ARHGEF37: variants seen among roughly 807,000 people sequenced by gnomAD.
ARHGEF37 encodes Rho guanine nucleotide exchange factor (GEF) 37.
ARHGEF37 carries 55 observed loss-of-function variants against 71.1 expected under a neutral mutation model. The ratio of observed to expected loss-of-function variants is 0.77; its 90% confidence interval spans 0.62 to 0.97. The LOEUF (loss-of-function observed/expected upper bound fraction) is 0.97, where lower values mean the gene tolerates loss of function less well. ARHGEF37 is among the 50% of genes least tolerant of loss of function. The probability of loss-of-function intolerance (pLI) is 0.00; values close to 1 mark genes in which losing one functional copy is unlikely to be tolerated. For synonymous variants in ARHGEF37, 327 were observed against 350.6 expected, an observed-to-expected ratio of 0.93 and a Z score of 0.75; for missense variants, 765 against 836.8, an observed-to-expected ratio of 0.91 and a Z score of 1.06.
intron 1 of ARHGEF37, among the ~76,000 whole-genome samples, chr5:149,556,239 G>A (rs1022315651): frequency 1.3e-5 from 2 of 152,102 alleles, no homozygotes; most frequent in African/African-American, 2.4e-5. Context: ...TGTCGCCCAG[G>A]CTGGAGTACA....
At chr5:149,578,277 G>A (rs942915771), upstream of ARHGEF37, among the ~76,000 whole-genome samples, 8 of 152,298 alleles carry the variant, frequency 5.3e-5, no homozygotes, top group African/African-American at 1.9e-4. Flanking sequence ...TTTAGGTAAT[G>A]TGCAACCCAA....
intron 1 of ARHGEF37, among the ~76,000 whole-genome samples, chr5:149,561,725 A>G (rs1012989653): frequency 3.3e-4 from 51 of 152,364 alleles, no homozygotes; most frequent in African/African-American, 1.1e-3. Flanking sequence ...CAATATTTAG[A>G]TAATCAAATT....
upstream of ARHGEF37, among the ~76,000 whole-genome samples, chr5:149,580,367 G>GT (rs1763084076): frequency 6.6e-6 from 1 of 151,992 alleles, no homozygotes; most frequent in Admixed American, 6.6e-5. Context: ...GGCACCCTTG[G>GT]TTTTTCTCTT....
rs1752426283 is a variant in ARHGEF37, at chr5:149,618,085, C to A, written c.659-91C>A. 11 of 1,556,158 alleles carry A rather than the reference C, an allele frequency of 7.1e-6. No individual in the cohort carries two copies. The South Asian group carries it at 9.7e-5, about 14-fold the overall frequency. On this transcript the variant is annotated intron_variant, in intron 5 of 12. Coordinates refer to ENST00000333677, the MANE Select transcript of ARHGEF37 (RefSeq NM_001001669.3). ...AATGTGACCCTGATGGAGCAGAGGGCCCAAGCAGGTGCCCAGCCGGGCATG... is the reference window on the plus strand; with the variant it reads ...AATGTGACCCTGATGGAGCAGAGGGACCAAGCAGGTGCCCAGCCGGGCATG...
rs149178688 is a variant in ARHGEF37, at chr5:149,591,379, G to A, written c.-11-6380G>A. Among the ~76,000 whole-genome samples, 725 of 151,826 alleles carry A rather than the reference G, an allele frequency of 4.8e-3. 6 individuals carry two copies. Among genetic ancestry groups the A allele is most frequent in the African/African-American group, 0.017 (690 of 41,398 alleles). Reference sequence around the variant, plus strand: ...ATTACAGGCGTGAGCCACCGTGCTCGGCCAGCCTTTGTCTTTTTTTAAGAG... The same window carrying A: ...ATTACAGGCGTGAGCCACCGTGCTCAGCCAGCCTTTGTCTTTTTTTAAGAG... On this transcript the variant is annotated intron_variant, in intron 1 of 12. Transcript: ENST00000333677.
intron 1 of ARHGEF37, among the ~76,000 whole-genome samples, chr5:149,572,982 G>A (rs751921579): frequency 3.3e-5 from 5 of 152,124 alleles, no homozygotes; most frequent in Non-Finnish European, 7.4e-5. Flanking sequence ...CAAAGGCGTG[G>A]CCCTGGCTTC....
chr5:149,562,844 C>A (rs35884018), intron 1 of ARHGEF37, among the ~76,000 whole-genome samples: 42,684 of 152,078 alleles, frequency 0.28, 6,720 homozygotes, highest in East Asian at 0.62. Context: ...CTGTCCAGAG[C>A]TTTCTGCCTG....
In ARHGEF37 at chr5:149,618,243, C is replaced by T. The variant is rs2113365735; in HGVS notation, c.726C>T (p.Thr242=). ...GGCTGGCCCGCATCAACACACACACCCTCTCCAAGAAGACCACCCGGCTGA... is the reference window on the plus strand; with the variant it reads ...GGCTGGCCCGCATCAACACACACACTCTCTCCAAGAAGACCACCCGGCTGA... The part of the protein sequence containing the change: ...RERLARINTH[T]LSKKTTRLSQ... Residue 242 remains threonine (T), a synonymous_variant, in exon 6 of 13, where the codon ACC becomes ACT. Transcript: ENST00000333677. 1 of 1,614,228 alleles carries T rather than the reference C, an allele frequency of 6.2e-7. No individual in the cohort carries two copies. The highest frequency in any genetic ancestry group is 8.5e-7 in the Non-Finnish European group (1 of 1,180,038).
intron 1 of ARHGEF37, among the ~76,000 whole-genome samples, chr5:149,568,169 C>T (rs1205598717): frequency 1.3e-5 from 2 of 152,126 alleles, no homozygotes; most frequent in Non-Finnish European, 2.9e-5. Flanking sequence ...TACAGGTGTG[C>T]ACCACCACGC....
intron 1 of ARHGEF37, among the ~76,000 whole-genome samples, chr5:149,583,554 C>T (rs946513471): frequency 3.3e-5 from 5 of 152,164 alleles, no homozygotes; most frequent in Admixed American, 3.3e-4. Flanking sequence ...GAGTTGCTGG[C>T]AGTTGGCTCA....
chr5:149,601,220 T>G lies in ARHGEF37; in HGVS notation c.299T>G (p.Val100Gly), dbSNP rs780939369. 1.9e-5 allele frequency: 30 copies of G among 1,611,662 alleles called. No individual in the cohort carries two copies. Among genetic ancestry groups the G allele is most frequent in the Non-Finnish European group, 1.6e-5 (19 of 1,178,244 alleles). Residue 100 changes from valine (V) to glycine (G), a missense_variant, in exon 3 of 13, where the codon GTG (valine) becomes GGG (glycine). Val to Gly is a moderately radical substitution (Grantham distance 109, BLOSUM62 -3). Coordinates refer to ENST00000333677, the MANE Select transcript of ARHGEF37 (RefSeq NM_001001669.3). ...QETASKEEEQ[V>G]QLVGNIFLEF... is the part of the protein sequence containing the mutation. ...ACAGCCTCCAAGGAAGAGGAACAAG[T>G]GCAGCTAGTTGGTAAGCAAAAAACC...
At chr5:149,619,435 T>C (rs1053091596) in intron 7 of ARHGEF37, among the ~76,000 whole-genome samples, 1 of 152,162 alleles carries the variant, frequency 6.6e-6, no homozygotes, top group Non-Finnish European at 1.5e-5. Context: ...TAACAGGCTG[T>C]TTATGAGACT....
chr5:149,571,504 A>G (rs1306288746), intron 1 of ARHGEF37, among the ~76,000 whole-genome samples: 1 of 152,230 alleles, frequency 6.6e-6, no homozygotes, highest in Non-Finnish European at 1.5e-5. Context: ...GTAAATGGGG[A>G]TACAGTGCAC....
In ARHGEF37 at chr5:149,570,790, C is replaced by T. The variant is rs542189038; in HGVS notation, c.-12+18667C>T. Among the ~76,000 whole-genome samples the T allele has an allele frequency of 5.2e-4, 79 of 150,956 alleles. 1 individual carries two copies. Among genetic ancestry groups the T allele is most frequent in the African/African-American group, 1.7e-3 (69 of 41,162 alleles). On this transcript the variant is annotated intron_variant, in intron 1 of 2. Coordinates refer to the ARHGEF37 transcript ENST00000505810. The stretch of plus-strand genomic sequence containing the variant: ...ACTTGGGAGGCTGAGGCAGAAGAAT[C>T]GCTTGAACCCGGGAGGCGGAGGTTG...
intron 1 of ARHGEF37, among the ~76,000 whole-genome samples, chr5:149,573,634 C>G (rs1762995756): frequency 6.6e-6 from 1 of 152,148 alleles, no homozygotes; most frequent in African/African-American, 2.4e-5. Context: ...TTACCTCCTT[C>G]ACTAGAACAT....
intron 1 of ARHGEF37, among the ~76,000 whole-genome samples, chr5:149,569,373 G>T (rs1021899348): frequency 4.6e-5 from 7 of 152,112 alleles, no homozygotes; most frequent in Admixed American, 4.6e-4. Flanking sequence ...AGGCTGGAAT[G>T]CAGCAGTGCG....
intron 12 of ARHGEF37, among the ~76,000 whole-genome samples, chr5:149,629,935 A>C (rs1243299829): frequency 6.6e-6 from 1 of 151,892 alleles, no homozygotes; most frequent in Non-Finnish European, 1.5e-5. Flanking sequence ...GAACAAAGTC[A>C]GATGCAAAAG....
At chr5:149,551,641 G>C (rs1364701380), upstream of ARHGEF37, 1 of 152,510 alleles carries the variant, frequency 6.6e-6, no homozygotes, top group Non-Finnish European at 1.5e-5. Context: ...GGTCGGCGGC[G>C]GCTCAGCAGG....
At chr5:149,565,505 T>C (rs1355966054) in intron 1 of ARHGEF37, among the ~76,000 whole-genome samples, 1 of 152,216 alleles carries the variant, frequency 6.6e-6, no homozygotes, top group African/African-American at 2.4e-5. Flanking sequence ...CATATATTTA[T>C]GAATGGGCAA....
Sources: gnomAD v4.1 joint callset for allele counts (sites outside exome capture counted in the v4.1 genomes callset) on GRCh38, gnomAD v4.1.1 for gene constraint, MANE v1.5 for transcripts, NCBI Gene and HGNC (gene_info 2026-07-23, HGNC 2026-07-21) for gene names.